KCNJ12: variants seen among roughly 807,000 people sequenced by gnomAD.
KCNJ12 encodes potassium inwardly rectifying channel subfamily J member 12.
In KCNJ12, 2 loss-of-function variants were observed where a neutral mutation model predicts 22.3. The ratio of observed to expected loss-of-function variants is 0.09; its 90% CI spans 0.04 to 0.28. KCNJ12 has a LOEUF of 0.28. Among genes scored for constraint, KCNJ12 ranks in the 10% least tolerant of loss-of-function variants. KCNJ12 has a pLI of 1.00. For synonymous variants in KCNJ12, 117 were observed against 261.4 expected, an observed-to-expected ratio of 0.45 and a Z score of 5.33; for missense variants, 155 against 633.3, an observed-to-expected ratio of 0.24 and a Z score of 8.11.
rs1555563036 is a variant in KCNJ12, at chr17:21,416,651, C to T, written c.*7C>T. On this transcript the variant is annotated 3_prime_UTR_variant, in exon 3 of 3. Coordinates refer to ENST00000583088, the MANE Select transcript of KCNJ12 (RefSeq NM_021012.5). ...ACGGGAGTCAGAGATCTGAGCCAAC[C>T]TTGGCCGACATGCAGCATCCACCCC... 2 of 1,596,502 alleles carry T rather than the reference C, an allele frequency of 1.3e-6. No individual in the cohort carries two copies. The highest frequency in any genetic ancestry group is 1.7e-6 in the Non-Finnish European group (2 of 1,172,926).
At chr17:21,396,842 G>A (rs1555559981) in intron 1 of KCNJ12, among the ~76,000 whole-genome samples, 2 of 152,244 alleles carry the variant, frequency 1.3e-5, no homozygotes, top group Admixed American at 1.3e-4. Flanking sequence ...TAGCCGTGGG[G>A]ACGGACTGTG....
At chr17:21,390,569 A>AG (rs1239651854) in intron 1 of KCNJ12, among the ~76,000 whole-genome samples, 1 of 152,012 alleles carries the variant, frequency 6.6e-6, no homozygotes, top group Non-Finnish European at 1.5e-5. Context: ...AGGGATGGGG[A>AG]GGGGGAGCAA....
chr17:21,399,009 G>C (rs545400525), intron 1 of KCNJ12, among the ~76,000 whole-genome samples: 13 of 152,318 alleles, frequency 8.5e-5, no homozygotes, highest in Admixed American at 2.0e-4. Flanking sequence ...GTGGAGCCCT[G>C]GCAGGAGCTG....
At chr17:21,397,316 G>A (rs1455991221) in intron 1 of KCNJ12, among the ~76,000 whole-genome samples, 3 of 152,180 alleles carry the variant, frequency 2.0e-5, no homozygotes, top group South Asian at 2.1e-4. Flanking sequence ...GCAGGCTCTC[G>A]AGCAAGGGCC....
At chr17:21,407,888 A>G (rs1906066435) in intron 1 of KCNJ12, among the ~76,000 whole-genome samples, 2 of 152,404 alleles carry the variant, frequency 1.3e-5, no homozygotes, top group South Asian at 4.1e-4. Context: ...TCACCCATCC[A>G]TCCATCCACC....
intron 1 of KCNJ12, among the ~76,000 whole-genome samples, chr17:21,384,243 C>T (rs1359554345): frequency 3.3e-5 from 5 of 152,168 alleles, no homozygotes; most frequent in Non-Finnish European, 5.9e-5. Context: ...CTCATCCTGT[C>T]GTCCTGGGCA....
intron 1 of KCNJ12, among the ~76,000 whole-genome samples, chr17:21,377,429 G>A (rs1567694279): frequency 6.6e-6 from 1 of 151,574 alleles, no homozygotes; most frequent in African/African-American, 2.4e-5. Context: ...CTCACCTCCC[G>A]TGCTGTAATG....
intron 1 of KCNJ12, among the ~76,000 whole-genome samples, chr17:21,397,054 CAG>C (rs1905391605): frequency 6.6e-6 from 1 of 152,346 alleles, no homozygotes; most frequent in African/African-American, 2.4e-5. Flanking sequence ...ATATGTGAAA[CAG>C]AGATCCTCAT....
At position 21,415,588 on chromosome 17, in the gene KCNJ12, C is replaced by T. The variant is rs1296522676; in HGVS notation, c.246C>T (p.Tyr82=). The part of the protein sequence containing the change: ...FTTCVDIRWR[Y]MLLIFSLAFL... ...CCTGTGTGGACATCCGCTGGCGGTA[C>T]ATGCTGCTCATCTTCTCGCTGGCCT... The change falls in exon 3 of 3, where the codon TAC becomes TAT. Residue 82 remains tyrosine (Y), a synonymous_variant. Coordinates refer to ENST00000583088, the MANE Select transcript of KCNJ12 (RefSeq NM_021012.5). 4 of 1,614,122 alleles carry T rather than the reference C, an allele frequency of 2.5e-6. No individual in the cohort carries two copies. In the Admixed American group the frequency reaches 5.0e-5, roughly 20 times the overall value.
chr17:21,381,615 C>T (rs1555557936), intron 1 of KCNJ12, among the ~76,000 whole-genome samples: 1 of 152,162 alleles, frequency 6.6e-6, no homozygotes. Flanking sequence ...TCCCTTACCG[C>T]TTTCATGTCT....
intron 1 of KCNJ12, among the ~76,000 whole-genome samples, chr17:21,385,405 A>G (rs1042375080): frequency 6.6e-6 from 1 of 152,204 alleles, no homozygotes; most frequent in Non-Finnish European, 1.5e-5. Flanking sequence ...CACTGCAGGC[A>G]AGACAGGGCA....
intron 1 of KCNJ12, among the ~76,000 whole-genome samples, chr17:21,393,310 G>T (rs1242524097): frequency 1.3e-5 from 2 of 152,114 alleles, no homozygotes; most frequent in South Asian, 4.1e-4. Context: ...TGGCTCTGGC[G>T]GATGGGGCAG....
intron 1 of KCNJ12, among the ~76,000 whole-genome samples, chr17:21,385,755 C>T (rs890103093): frequency 6.6e-6 from 1 of 152,254 alleles, no homozygotes; most frequent in African/African-American, 2.4e-5. Flanking sequence ...CCTGACTCTG[C>T]AGCACCAGGG....
chr17:21,377,174 C>T (rs1904685835), intron 1 of KCNJ12, among the ~76,000 whole-genome samples: 2 of 152,230 alleles, frequency 1.3e-5, no homozygotes, highest in South Asian at 2.1e-4. Flanking sequence ...CCTGGCTAAC[C>T]TTCGTCCTGG....
chr17:21,396,026 G>A (rs985192712), intron 1 of KCNJ12, among the ~76,000 whole-genome samples: 2 of 152,158 alleles, frequency 1.3e-5, no homozygotes, highest in African/African-American at 2.4e-5. Context: ...CGGGCTTCTC[G>A]GCTGGGCCAC....
chr17:21,381,816 T>G (rs1404719525), intron 1 of KCNJ12, among the ~76,000 whole-genome samples: 1 of 152,240 alleles, frequency 6.6e-6, no homozygotes. Flanking sequence ...CTCCTCTTTT[T>G]GGACCTATTC....
chr17:21,409,573 C>T (rs1906199713), intron 2 of KCNJ12, among the ~76,000 whole-genome samples: 3 of 152,310 alleles, frequency 2.0e-5, no homozygotes. Flanking sequence ...CAGTGCCCCT[C>T]CCAGGGGCAG....
At chr17:21,394,284 G>A (rs1381031612) in intron 1 of KCNJ12, among the ~76,000 whole-genome samples, 1 of 152,152 alleles carries the variant, frequency 6.6e-6, no homozygotes, top group Non-Finnish European at 1.5e-5. Flanking sequence ...ATACACAAAT[G>A]CTTACCATTG....
chr17:21,379,190 C>A (rs782339045), intron 1 of KCNJ12, among the ~76,000 whole-genome samples: 1 of 152,234 alleles, frequency 6.6e-6, no homozygotes, highest in African/African-American at 2.4e-5. Flanking sequence ...GCACTGGGGC[C>A]GGTTCTGCCT....
Sources: allele counts gnomAD v4.1 joint callset (sites outside exome capture counted in the v4.1 genomes callset), GRCh38; gene constraint gnomAD v4.1.1; transcripts MANE v1.5; gene names NCBI Gene and HGNC (gene_info 2026-07-23, HGNC 2026-07-21).